The following ATF6 variants were observed in gnomAD, a reference collection of about 807,000 sequenced individuals.
The protein encoded by ATF6 is activating transcription factor 6, also known as cyclic AMP-dependent transcription factor ATF-6 alpha.
Under a neutral mutation model 83.6 loss-of-function variants are expected in ATF6, and 53 were observed. That is an observed-to-expected ratio of 0.63 (90% CI 0.51 to 0.80). The LOEUF is 0.80. Ranked by LOEUF, ATF6 falls within the 30% of genes least tolerant of loss-of-function variation. The pLI, the probability that ATF6 is intolerant of heterozygous loss-of-function variation, is 0.00. For missense variants in ATF6, 744 were observed against 797.9 expected (o/e 0.93, Z 0.81); for synonymous variants, 288 against 285.8 (o/e 1.01, Z -0.08).
intron 15 of ATF6, among the ~76,000 whole-genome samples, chr1:161,922,330 C>G (rs1434854665): frequency 6.6e-6 from 1 of 152,160 alleles, no homozygotes; most frequent in Non-Finnish European, 1.5e-5. Context: ...CCAAACTGTT[C>G]TACTAACAGT....
At chr1:161,876,065 A>G (rs1020621930) in intron 14 of ATF6, among the ~76,000 whole-genome samples, 1 of 151,936 alleles carries the variant, frequency 6.6e-6, no homozygotes, top group Non-Finnish European at 1.5e-5. Context: ...CAGTGTAAAT[A>G]TCAACACAGT....
chr1:161,795,708 A>G (rs964322921), intron 6 of ATF6, among the ~76,000 whole-genome samples: 12 of 152,222 alleles, frequency 7.9e-5, no homozygotes, highest in African/African-American at 2.4e-4. Context: ...AAATGGATAA[A>G]CAGCCTTTGG....
At chr1:161,910,084 A>G (rs1013852850) in intron 14 of ATF6, among the ~76,000 whole-genome samples, 3 of 152,248 alleles carry the variant, frequency 2.0e-5, no homozygotes, top group Admixed American at 1.3e-4. Context: ...AGAGAAAGTA[A>G]TGATTCAGGA....
intron 15 of ATF6, among the ~76,000 whole-genome samples, chr1:161,915,089 C>G (rs184520790): frequency 2.6e-5 from 4 of 152,260 alleles, no homozygotes; most frequent in Admixed American, 6.5e-5. Flanking sequence ...CTCCCCACCC[C>G]CTCAGCTGAT....
chr1:161,909,973 G>GT (rs563619569), intron 14 of ATF6, among the ~76,000 whole-genome samples: 131 of 152,060 alleles, frequency 8.6e-4, no homozygotes, highest in Middle Eastern at 3.4e-3. Flanking sequence ...AGAAAAGACA[G>GT]TAAGAGGCCA....
chr1:161,802,058 C>T lies in ATF6; in HGVS notation c.695C>T (p.Thr232Met), dbSNP rs768955438. 1.7e-5 allele frequency: 28 copies of T among 1,613,868 alleles called. No homozygotes were observed. Among genetic ancestry groups the T allele is most frequent in the South Asian group, 2.2e-5 (2 of 91,088 alleles). ...SLQPAPTKGQTVLLSQPTVVQ... is the reference protein window; with the variant it reads ...SLQPAPTKGQMVLLSQPTVVQ... Reference sequence around the variant, plus strand: ...TTTCTTTTTTCTAACGCAGGCCAGACGGTTTTGCTGTCTCAGCCTACTGTG... The same window carrying T: ...TTTCTTTTTTCTAACGCAGGCCAGATGGTTTTGCTGTCTCAGCCTACTGTG... Residue 232 changes from threonine to methionine, a missense_variant, in exon 7 of 16, where the codon ACG becomes ATG. Coordinates refer to ENST00000367942, the MANE Select transcript of ATF6 (RefSeq NM_007348.4).
intron 14 of ATF6, among the ~76,000 whole-genome samples, chr1:161,867,131 A>G (rs1486349758): frequency 1.3e-5 from 2 of 152,118 alleles, no homozygotes; most frequent in Admixed American, 6.6e-5. Flanking sequence ...CGTCTCTACT[A>G]AAAATACAAA....
In ATF6 at chr1:161,961,703, A is replaced by C. The variant is rs1053436828; in HGVS notation, c.*3049A>C. The stretch of plus-strand genomic sequence containing the variant: ...GCTTATGAGACAATTAGATAAACTC[A>C]TGGAGGAGGCAGGTCCTCCTGTTAT... On this transcript the variant is annotated 3_prime_UTR_variant, in exon 16 of 16. Coordinates refer to ENST00000367942, the MANE Select transcript of ATF6 (RefSeq NM_007348.4). 6.6e-6 allele frequency: 1 copy of C among 152,018 alleles called. No homozygotes were observed. The highest frequency in any genetic ancestry group is 1.5e-5 in the Non-Finnish European group (1 of 68,032). The allele number at this position is 152,018 out of a possible 1,614,324, so 9.4% of individuals were successfully genotyped here.
chr1:161,951,386 A>G (rs1249780424), intron 15 of ATF6, among the ~76,000 whole-genome samples: 2 of 152,222 alleles, frequency 1.3e-5, no homozygotes, highest in African/African-American at 2.4e-5. Context: ...GGAGCCAAGA[A>G]TGGTTGAATT....
intron 14 of ATF6, among the ~76,000 whole-genome samples, chr1:161,886,930 A>G (rs1687433324): frequency 6.6e-6 from 1 of 152,234 alleles, no homozygotes; most frequent in African/African-American, 2.4e-5. Flanking sequence ...TGAATTGGCA[A>G]CTACAGTCGA....
At chr1:161,935,621 G>C (rs1688521021) in intron 15 of ATF6, among the ~76,000 whole-genome samples, 1 of 152,150 alleles carries the variant, frequency 6.6e-6, no homozygotes. Flanking sequence ...GTATTATTAG[G>C]TTAGTGCAAA....
chr1:161,825,643 A>G (rs1170373391), intron 9 of ATF6, among the ~76,000 whole-genome samples: 1 of 152,204 alleles, frequency 6.6e-6, no homozygotes, highest in Non-Finnish European at 1.5e-5. Flanking sequence ...ATAGGGGAAG[A>G]GTGCAGAGCT....
At chr1:161,834,112 A>G (rs1393857024) in intron 9 of ATF6, among the ~76,000 whole-genome samples, 1 of 152,174 alleles carries the variant, frequency 6.6e-6, no homozygotes, top group East Asian at 1.9e-4. Flanking sequence ...CAACATTCCT[A>G]AAGAAAAGAA....
At position 161,945,986 on chromosome 1, in the gene ATF6, A is replaced by G. The variant is rs181138495; in HGVS notation, c.1805-12460A>G. Reference sequence around the variant, plus strand: ...ACTGAGTACCTGACTTCAGACCTACAGAGTCTGTTTTTGTTTTGTTTTGTT... The same window carrying G: ...ACTGAGTACCTGACTTCAGACCTACGGAGTCTGTTTTTGTTTTGTTTTGTT... On this transcript the variant is annotated intron_variant, in intron 15 of 15. Coordinates refer to ENST00000367942, the MANE Select transcript of ATF6 (RefSeq NM_007348.4). 2.6e-5 allele frequency among the ~76,000 whole-genome samples: 4 copies of G among 152,186 alleles called. No homozygotes were observed. The East Asian group carries it at 7.7e-4, about 29-fold the overall frequency.
chr1:161,828,881 C>T (rs12029110), intron 9 of ATF6, among the ~76,000 whole-genome samples: 21,990 of 152,062 alleles, frequency 0.14, 2,170 homozygotes, highest in East Asian at 0.31. Context: ...CCTAGAAAAA[C>T]TGGAGACCCA....
chr1:161,885,956 A>C (rs1020923852), intron 14 of ATF6, among the ~76,000 whole-genome samples: 10 of 152,222 alleles, frequency 6.6e-5, no homozygotes, highest in Admixed American at 5.2e-4. Flanking sequence ...TATAGAAGTC[A>C]TTTCATTTAA....
intron 9 of ATF6, among the ~76,000 whole-genome samples, chr1:161,829,515 A>G (rs1277274251): frequency 1.3e-5 from 2 of 152,218 alleles, no homozygotes; most frequent in African/African-American, 2.4e-5. Context: ...GAAGTAAAGT[A>G]GACCAATATC....
At chr1:161,815,184 A>ATTTTTTTTTTTTTTTTTT (rs34687938) in intron 7 of ATF6, among the ~76,000 whole-genome samples, 1 of 96,452 alleles carries the variant, frequency 1.0e-5, no homozygotes, top group African/African-American at 4.7e-5. Context: ...TCCCATTTTA[A>ATTTTTTTTTTTTTTTTTT]TTTTTTTTTT....
At chr1:161,868,228 A>T (rs1284622763) in intron 14 of ATF6, among the ~76,000 whole-genome samples, 1 of 152,140 alleles carries the variant, frequency 6.6e-6, no homozygotes, top group Admixed American at 6.5e-5. Flanking sequence ...AGTTCTGGTC[A>T]CCATCTCTTA....
Sources: gnomAD v4.1 joint callset for allele counts (sites outside exome capture counted in the v4.1 genomes callset) on GRCh38, gnomAD v4.1.1 for gene constraint, MANE v1.5 for transcripts, NCBI Gene and HGNC (gene_info 2026-07-23, HGNC 2026-07-21) for gene names.